The following DCC variants were observed in gnomAD, a reference collection of about 807,000 sequenced individuals.
DCC encodes DCC netrin 1 receptor, also known as netrin receptor DCC.
In DCC, 58 loss-of-function variants were observed where a neutral mutation model predicts 172.5. The ratio of observed to expected loss-of-function variants is 0.34; its 90% CI spans 0.27 to 0.42. The LOEUF (loss-of-function observed/expected upper bound fraction) is 0.42. Among genes scored for constraint, DCC ranks in the 10% least tolerant of loss-of-function variants. The pLI, the probability that DCC is intolerant of heterozygous loss-of-function variation, is 1.00. For missense variants in DCC, 1,740 were observed against 1,791.0 expected (o/e 0.97, Z 0.51); for synonymous variants, 709 against 644.5 (o/e 1.10, Z -1.52).
intron 1 of DCC, among the ~76,000 whole-genome samples, chr18:52,491,521 G>A (rs12967247): frequency 0.019 from 2,937 of 152,130 alleles, 48 homozygotes; most frequent in Middle Eastern, 0.034. Flanking sequence ...AAAATAAAAA[G>A]TTTTTAAAAA....
chr18:52,873,493 T>A (rs1371162072), intron 2 of DCC, among the ~76,000 whole-genome samples: 1 of 152,248 alleles, frequency 6.6e-6, no homozygotes, highest in Non-Finnish European at 1.5e-5. Context: ...AGCTTTAGCA[T>A]ATAAAACCTT....
chr18:53,029,434 C>T (rs1482194441), intron 5 of DCC, among the ~76,000 whole-genome samples: 12 of 152,108 alleles, frequency 7.9e-5, no homozygotes, highest in Admixed American at 7.9e-4. Context: ...TGGGACTTTT[C>T]CAAGGTACAT....
At chr18:52,956,594 C>T (rs1339711284) in intron 5 of DCC, among the ~76,000 whole-genome samples, 2 of 151,982 alleles carry the variant, frequency 1.3e-5, no homozygotes, top group East Asian at 1.9e-4. Context: ...TTTGCCTTTC[C>T]ATATAAACTT....
At chr18:52,828,807 G>T (rs1381817527) in intron 2 of DCC, among the ~76,000 whole-genome samples, 2 of 152,204 alleles carry the variant, frequency 1.3e-5, no homozygotes, top group Non-Finnish European at 2.9e-5. Flanking sequence ...CTTTGGTGCT[G>T]TATGAGAGAA....
intron 13 of DCC, among the ~76,000 whole-genome samples, 189 bp from the exon 14 acceptor site, chr18:53,321,858 T>C (rs1403585626): frequency 6.6e-6 from 1 of 152,240 alleles, no homozygotes; most frequent in Non-Finnish European, 1.5e-5. Context: ...TAAGAATGTA[T>C]AAAAATTAAT....
intron 1 of DCC, among the ~76,000 whole-genome samples, chr18:52,513,289 G>A (rs993229272): frequency 6.6e-6 from 1 of 152,138 alleles, no homozygotes; most frequent in Admixed American, 6.5e-5. Flanking sequence ...TCTAAACCAT[G>A]AGACACGACT....
intron 2 of DCC, among the ~76,000 whole-genome samples, chr18:52,796,664 G>A (rs1241610114): frequency 6.6e-6 from 1 of 152,106 alleles, no homozygotes; most frequent in Non-Finnish European, 1.5e-5. Context: ...TGACCTGCAT[G>A]ATTTCTGCTG....
intron 1 of DCC, among the ~76,000 whole-genome samples, chr18:52,513,486 T>G (rs943252968): frequency 1.3e-5 from 2 of 152,136 alleles, no homozygotes; most frequent in African/African-American, 4.8e-5. Flanking sequence ...AGCATTATGG[T>G]TTTTTAAATT....
At chr18:52,656,796 T>C (rs2035262773) in intron 1 of DCC, among the ~76,000 whole-genome samples, 1 of 152,158 alleles carries the variant, frequency 6.6e-6, no homozygotes, top group Non-Finnish European at 1.5e-5. Flanking sequence ...AGCACTACCA[T>C]TAACTCCATG....
At chr18:53,252,735 G>A (rs559443127) in intron 12 of DCC, among the ~76,000 whole-genome samples, 22 of 152,046 alleles carry the variant, frequency 1.4e-4, no homozygotes, top group African/African-American at 5.1e-4. Flanking sequence ...TATCTGGAGA[G>A]CGGAGCACAT....
intron 9 of DCC, among the ~76,000 whole-genome samples, chr18:53,195,003 T>C (rs2144521781): frequency 6.6e-6 from 1 of 152,316 alleles, no homozygotes; most frequent in East Asian, 1.9e-4. Flanking sequence ...AACTAACATA[T>C]TATATTGAAC....
At chr18:53,358,724 G>T (rs568694021) in intron 15 of DCC, among the ~76,000 whole-genome samples, 13 of 151,934 alleles carry the variant, frequency 8.6e-5, no homozygotes, top group African/African-American at 3.1e-4. Context: ...GTTTCACCAT[G>T]TTGGCCAGGC....
chr18:53,491,177 A>G (rs1599211886), intron 26 of DCC, among the ~76,000 whole-genome samples: 1 of 152,318 alleles, frequency 6.6e-6, no homozygotes. Context: ...CTGGGCATGC[A>G]GACAATTTTT....
intron 7 of DCC, among the ~76,000 whole-genome samples, chr18:53,150,503 C>T (rs1167493110): frequency 2.6e-5 from 4 of 152,196 alleles, no homozygotes; most frequent in African/African-American, 4.8e-5. Context: ...TTTCACAGAG[C>T]ATACAATTTG....
chr18:52,457,619 C>T (rs551574307), intron 1 of DCC, among the ~76,000 whole-genome samples: 5 of 151,966 alleles, frequency 3.3e-5, no homozygotes, highest in Non-Finnish European at 7.4e-5. Context: ...TGTTAGTAAA[C>T]GGCCAAAGAA....
At chr18:52,629,101 G>A (rs1226466036) in intron 1 of DCC, among the ~76,000 whole-genome samples, 1 of 152,170 alleles carries the variant, frequency 6.6e-6, no homozygotes, top group Non-Finnish European at 1.5e-5. Flanking sequence ...AAATTATTCT[G>A]TCTTTTCAAG....
At chr18:53,089,034 A>G (rs1458670921) in intron 7 of DCC, among the ~76,000 whole-genome samples, 2 of 152,184 alleles carry the variant, frequency 1.3e-5, no homozygotes, top group African/African-American at 2.4e-5. Flanking sequence ...TGACTAGCTT[A>G]GTTATTAGTT....
chr18:53,413,197 T>C (rs942538302), intron 20 of DCC, among the ~76,000 whole-genome samples: 1 of 152,168 alleles, frequency 6.6e-6, no homozygotes, highest in Non-Finnish European at 1.5e-5. Flanking sequence ...AGTCACTTCC[T>C]ACACACAAAA....
chr18:53,046,108 T>C (rs1378564450), intron 5 of DCC, among the ~76,000 whole-genome samples: 1 of 151,860 alleles, frequency 6.6e-6, no homozygotes, highest in Non-Finnish European at 1.5e-5. Flanking sequence ...AATATAGGAA[T>C]GAAAAGACAA....
Sources: allele counts gnomAD v4.1 joint callset (sites outside exome capture counted in the v4.1 genomes callset), GRCh38; gene constraint gnomAD v4.1.1; transcripts MANE v1.5; gene names NCBI Gene and HGNC (gene_info 2026-07-23, HGNC 2026-07-21).